Variants in RTL4 observed in about 807,000 individuals in gnomAD.
The protein encoded by RTL4 is retrotransposon Gag-like protein 4.
A neutral mutation model predicts 5.3 loss-of-function variants in RTL4; 4 were observed. The observed-to-expected ratio is 0.75, with a 90% CI of 0.37 to 1.72. The LOEUF (loss-of-function observed/expected upper bound fraction) is 1.72, where lower values mean the gene tolerates loss of function less well. RTL4 is among the 40% of genes most tolerant of loss of function. The pLI is 0.04. For missense variants in RTL4, 260 were observed against 227.1 expected (o/e 1.14, Z -0.93); for synonymous variants, 98 against 87.3 (o/e 1.12, Z -0.68).
At chrX:112,415,372 A>T in the RTL4 span, among the ~76,000 whole-genome samples, 2 of 14,645 alleles carry the variant, frequency 1.4e-4, no homozygotes, top group African/African-American at 1.5e-4. Context: ...TCTTTGTTGT[A>T]TATATTACAG....
At chrX:112,386,526 T>C in the RTL4 span, among the ~76,000 whole-genome samples, 4 of 108,822 alleles carry the variant, frequency 3.7e-5, no homozygotes, top group Non-Finnish European at 5.7e-5. Context: ...TTCCCCCAAG[T>C]CCCCAAAATC....
chrX:112,267,476 C>T, the RTL4 span, among the ~76,000 whole-genome samples: 38 of 111,863 alleles, frequency 3.4e-4, no homozygotes, highest in East Asian at 9.8e-3. Flanking sequence ...CCTTTTCCTC[C>T]CTCTGTCCTC....
chrX:112,218,704 C>T, the RTL4 span, among the ~76,000 whole-genome samples: 12 of 110,960 alleles, frequency 1.1e-4, no homozygotes, highest in African/African-American at 2.0e-4. Context: ...TTCAATAGCC[C>T]GTAAGACTAT....
the RTL4 span, among the ~76,000 whole-genome samples, chrX:112,271,159 G>C: frequency 8.9e-6 from 1 of 111,947 alleles, no homozygotes; most frequent in Non-Finnish European, 1.9e-5. Flanking sequence ...CTAATACTCT[G>C]ATGGGATTAA....
chrX:112,442,935 T>C, the RTL4 span, among the ~76,000 whole-genome samples: 1 of 111,889 alleles, frequency 8.9e-6, no homozygotes, highest in African/African-American at 3.2e-5. Flanking sequence ...CTTTTAGTTA[T>C]TTTTAAATGT....
the RTL4 span, among the ~76,000 whole-genome samples, chrX:112,409,040 T>C: frequency 1.8e-5 from 2 of 112,457 alleles, no homozygotes; most frequent in Non-Finnish European, 3.8e-5. Flanking sequence ...TTTTTAAGTC[T>C]GAAAGAAAAG....
At chrX:112,262,389 G>A in the RTL4 span, among the ~76,000 whole-genome samples, 1 of 112,188 alleles carries the variant, frequency 8.9e-6, no homozygotes, top group African/African-American at 3.2e-5. Context: ...CAAAGGATAT[G>A]AACAGACACT....
At chrX:112,161,840 C>CTTTCTTTCTTTCTTT in the RTL4 span, among the ~76,000 whole-genome samples, 432 of 39,874 alleles carry the variant, frequency 0.011, 12 homozygotes, top group East Asian at 0.017. Context: ...TTCCTTCCTT[C>CTTTCTTTCTTTCTTT]CTTCCTTTCT....
the RTL4 span, among the ~76,000 whole-genome samples, chrX:112,240,550 ATACTG>A: frequency 1.8e-5 from 2 of 112,231 alleles, no homozygotes; most frequent in Non-Finnish European, 1.9e-5. Flanking sequence ...GATATATTGA[ATACTG>A]TACTGAAAGT....
At chrX:112,449,853 G>A (rs898387160), upstream of RTL4, among the ~76,000 whole-genome samples, 2 of 112,214 alleles carry the variant, frequency 1.8e-5, no homozygotes, top group Admixed American at 9.4e-5. Context: ...TACAAGTAAG[G>A]AAACAAGCCC....
chrX:112,093,661 G>A, the RTL4 span, among the ~76,000 whole-genome samples: 1 of 111,942 alleles, frequency 8.9e-6, no homozygotes, highest in African/African-American at 3.2e-5. Flanking sequence ...TTTAAATACT[G>A]TATGATAGTT....
the RTL4 span, among the ~76,000 whole-genome samples, chrX:112,297,841 G>A: frequency 1.8e-5 from 2 of 111,648 alleles, no homozygotes; most frequent in African/African-American, 6.5e-5. Context: ...AAGATGTTCT[G>A]GAACACTCCT....
chrX:112,322,123 A>T, the RTL4 span, among the ~76,000 whole-genome samples: 1 of 111,637 alleles, frequency 9.0e-6, no homozygotes, highest in South Asian at 3.8e-4. Context: ...GTTTTAGTAA[A>T]GCAACAAAAA....
At chrX:112,416,471 A>G in the RTL4 span, among the ~76,000 whole-genome samples, 3 of 112,290 alleles carry the variant, frequency 2.7e-5, no homozygotes, top group African/African-American at 6.5e-5. Flanking sequence ...CGCACCTGCA[A>G]GAACAGCACT....
the RTL4 span, among the ~76,000 whole-genome samples, chrX:112,135,562 G>A: frequency 4.4e-4 from 48 of 110,154 alleles, no homozygotes; most frequent in African/African-American, 1.5e-3. Context: ...GTTTTGTATG[G>A]GTTTTATGGT....
At chrX:112,176,399 A>G in the RTL4 span, among the ~76,000 whole-genome samples, 4 of 111,485 alleles carry the variant, frequency 3.6e-5, no homozygotes, top group East Asian at 1.1e-3. Flanking sequence ...TTCCACAACC[A>G]ACTAGCTTTT....
chrX:112,185,897 G>A, the RTL4 span, among the ~76,000 whole-genome samples: 1 of 110,931 alleles, frequency 9.0e-6, no homozygotes, highest in Non-Finnish European at 1.9e-5. Flanking sequence ...GCAATTGTGG[G>A]AGCTAATTAG....
the RTL4 span, among the ~76,000 whole-genome samples, chrX:112,292,689 C>T: frequency 9.0e-6 from 1 of 111,242 alleles, no homozygotes; most frequent in African/African-American, 3.3e-5. Context: ...GCATCAAGAC[C>T]TAACTAAAAC....
the RTL4 span, among the ~76,000 whole-genome samples, chrX:112,141,783 A>C: frequency 4.5e-5 from 5 of 111,440 alleles, no homozygotes; most frequent in Non-Finnish European, 7.5e-5. Flanking sequence ...GTTGGTGGAG[A>C]CATGGGTAGC....
Sources: allele counts gnomAD v4.1 joint callset (sites outside exome capture counted in the v4.1 genomes callset), GRCh38; gene constraint gnomAD v4.1.1; transcripts MANE v1.5; gene names NCBI Gene and HGNC (gene_info 2026-07-23, HGNC 2026-07-21).